The following PRMT2 variants were observed in gnomAD, a reference collection of about 807,000 sequenced individuals.
PRMT2 encodes protein arginine methyltransferase 2.
Under a neutral mutation model 57.6 loss-of-function variants are expected in PRMT2, and 26 were observed. The observed-to-expected ratio is 0.45, with a 90% CI of 0.33 to 0.63. The LOEUF (loss-of-function observed/expected upper bound fraction) is 0.63. Ranked by LOEUF, PRMT2 falls within the 20% of genes least tolerant of loss-of-function variation. The pLI is 0.02. For synonymous variants in PRMT2, 219 were observed against 220.0 expected (o/e 1.00, Z 0.04); for missense variants, 472 against 564.4 (o/e 0.84, Z 1.66).
chr21:46,652,336 G>T (rs2061472539), intron 7 of PRMT2: 1 of 1,182,438 alleles, frequency 8.5e-7, no homozygotes, highest in Non-Finnish European at 1.1e-6. Flanking sequence ...TCATACATTA[G>T]CACAGCTAAA....
chr21:46,656,261 C>T (rs1314597587), intron 7 of PRMT2, among the ~76,000 whole-genome samples: 4 of 152,204 alleles, frequency 2.6e-5, no homozygotes, highest in Non-Finnish European at 5.9e-5. Context: ...AGCCTGAAGC[C>T]CTCACTGGAT....
At chr21:46,646,219 C>T (rs1450393531) in intron 5 of PRMT2, among the ~76,000 whole-genome samples, 1 of 152,218 alleles carries the variant, frequency 6.6e-6, no homozygotes, top group African/African-American at 2.4e-5. Flanking sequence ...TTGACTAACT[C>T]TGCAGATACT....
intron 5 of PRMT2, among the ~76,000 whole-genome samples, chr21:46,647,650 G>A (rs1357934089): frequency 2.6e-5 from 4 of 152,236 alleles, no homozygotes; most frequent in African/African-American, 9.6e-5. Context: ...CAGGGGTGAG[G>A]CACCCTGCCT....
chr21:46,654,215 G>A, intron 7 of PRMT2: 1 of 749,200 alleles, frequency 1.3e-6, no homozygotes, highest in Non-Finnish European at 1.6e-6. Context: ...TTTAAAATGG[G>A]GAGAAAATTG....
At chr21:46,651,297 C>T (rs903686211) in intron 7 of PRMT2, among the ~76,000 whole-genome samples, 1 of 152,160 alleles carries the variant, frequency 6.6e-6, no homozygotes, top group Non-Finnish European at 1.5e-5. Context: ...CCTCCCAGCC[C>T]TGAGCCGCAG....
At chr21:46,660,734 A>G in intron 8 of PRMT2, 99 bp from the exon 9 acceptor site, 1 of 1,437,038 alleles carries the variant, frequency 7.0e-7, no homozygotes, top group Non-Finnish European at 9.5e-7. Flanking sequence ...CATCCTGGTG[A>G]CACAGAAGGG....
At chr21:46,657,384 A>AAC (rs1445687564) in intron 7 of PRMT2, 2 of 150,544 alleles carry the variant, frequency 1.3e-5, no homozygotes, top group African/African-American at 4.9e-5. Flanking sequence ...TGCAAAAAAA[A>AAC]AAAAAACAAA....
chr21:46,650,262 A>G (rs1278724446), intron 7 of PRMT2, among the ~76,000 whole-genome samples: 1 of 132,940 alleles, frequency 7.5e-6, no homozygotes, highest in Non-Finnish European at 1.6e-5. Flanking sequence ...AGGGAAGTTG[A>G]CGGGAGTGTG....
At position 46,648,189 on chromosome 21, in the gene PRMT2, C is replaced by G. The variant is rs1327498448; in HGVS notation, c.328-269C>G. 1 of 387,658 alleles carries G rather than the reference C, an allele frequency of 2.6e-6. No homozygotes were observed. The highest frequency in any genetic ancestry group is 4.9e-5 in the South Asian group (1 of 20,610). The allele number at this position is 387,658 out of a possible 1,614,324, so 24.0% of individuals were successfully genotyped here. ...GTATTTTAAGATAAGGACAATATCTCTTTGTCATACATGGTTGTGCACCTT... is the reference window on the plus strand; with the variant it reads ...GTATTTTAAGATAAGGACAATATCTGTTTGTCATACATGGTTGTGCACCTT... On this transcript the variant is annotated intron_variant, in intron 5 of 11. Transcript: ENST00000355680. This position sits in a 1 kb window ranked among gnomAD's most constrained non-coding sequence, Gnocchi z 4.8.
intron 7 of PRMT2, chr21:46,658,469 A>G (rs2061571453): frequency 5.2e-6 from 2 of 385,424 alleles, no homozygotes; most frequent in East Asian, 1.1e-4. Context: ...ATGGGACAAG[A>G]GTGAAGATTT....
chr21:46,637,502 C>T (rs1014222069), intron 3 of PRMT2, among the ~76,000 whole-genome samples: 20 of 152,182 alleles, frequency 1.3e-4, no homozygotes, highest in African/African-American at 4.1e-4. Context: ...CAAGCATTTC[C>T]GTATCTGTTA....
Position 46,649,488 on chromosome 21 carries a change from T to A in PRMT2, c.490-87T>A, listed in dbSNP as rs1275707468. 6.3e-7 allele frequency: 1 copy of A among 1,597,224 alleles called. No homozygotes were observed. The highest frequency in any genetic ancestry group is 1.1e-5 in the South Asian group (1 of 90,478). ...CTTCCCTCTTGTGTCATTGACCATT[T>A]CTCGTGATGCTGGTTGTGACTCAGG... On this transcript the variant is annotated intron_variant, in intron 6 of 11. Transcript: ENST00000355680. This position sits in a 1 kb window ranked among gnomAD's most constrained non-coding sequence, Gnocchi z 4.8.
chr21:46,652,996 T>G, intron 7 of PRMT2: 2 of 1,218,050 alleles, frequency 1.6e-6, no homozygotes, highest in Non-Finnish European at 2.1e-6. Flanking sequence ...TCACTGAGGA[T>G]CTCCATTGCA....
At chr21:46,647,689 G>A (rs1364301723) in intron 5 of PRMT2, among the ~76,000 whole-genome samples, 2 of 152,084 alleles carry the variant, frequency 1.3e-5, no homozygotes, top group African/African-American at 4.8e-5. Context: ...TAAACAATGA[G>A]ATTTTAAATA....
At chr21:46,658,557 T>G in intron 7 of PRMT2, 188 bp from the exon 8 acceptor site, 1 of 992,146 alleles carries the variant, frequency 1.0e-6, no homozygotes, top group Non-Finnish European at 1.4e-6. Flanking sequence ...GTGAGATGCA[T>G]CAGTGACGTG....
At chr21:46,655,898 A>G (rs982878646) in intron 7 of PRMT2, among the ~76,000 whole-genome samples, 1 of 152,208 alleles carries the variant, frequency 6.6e-6, no homozygotes, top group African/African-American at 2.4e-5. Flanking sequence ...TAAAATTCCA[A>G]TTAGAATCCA....
At chr21:46,637,054 G>T (rs1048096046) in intron 3 of PRMT2, 64 bp downstream of exon 3, 32 of 1,556,894 alleles carry the variant, frequency 2.1e-5, no homozygotes, top group Non-Finnish European at 2.8e-5. Flanking sequence ...AGAGAGCTAA[G>T]CGTCAGCTCA....
chr21:46,660,450 A>G (rs1381740431), intron 8 of PRMT2, among the ~76,000 whole-genome samples: 1 of 152,238 alleles, frequency 6.6e-6, no homozygotes, highest in Non-Finnish European at 1.5e-5. Context: ...TTTGAAATCA[A>G]ATACATTCTA....
chr21:46,641,707 CAAAG>C (rs1297516868), intron 3 of PRMT2, among the ~76,000 whole-genome samples: 3 of 127,978 alleles, frequency 2.3e-5, no homozygotes, highest in African/African-American at 5.7e-5. Flanking sequence ...AAAAGCCAAA[CAAAG>C]AAACAGCCTG....
Sources: gnomAD v4.1 joint callset for allele counts (sites outside exome capture counted in the v4.1 genomes callset) on GRCh38, gnomAD v4.1.1 for gene constraint, Gnocchi (gnomAD v3.1) non-coding constraint, MANE v1.5 for transcripts, NCBI Gene and HGNC (gene_info 2026-07-23, HGNC 2026-07-21) for gene names.